Variants in NECAP1 observed in about 807,000 individuals in gnomAD.
The protein encoded by NECAP1 is adaptin ear-binding coat-associated protein 1.
A neutral mutation model predicts 33.4 loss-of-function variants in NECAP1; 13 were observed. The ratio of observed to expected loss-of-function variants is 0.39; its 90% confidence interval spans 0.25 to 0.62. NECAP1 has a LOEUF of 0.62. NECAP1 is among the 20% of genes least tolerant of loss of function. The pLI is 0.52. For synonymous variants in NECAP1, 109 were observed against 125.2 expected (o/e 0.87, Z 0.86); for missense variants, 272 against 347.4 (o/e 0.78, Z 1.73).
At chr12:8,089,850 G>A (rs1042451090) in intron 1 of NECAP1, 86 bp from the exon 2 acceptor site, 61 of 993,330 alleles carry the variant, frequency 6.1e-5, no homozygotes, top group Middle Eastern at 2.6e-4. Flanking sequence ...ATCCAGGATA[G>A]GGAAATAGAA....
rs758726778 is a variant in NECAP1, at chr12:8,095,572, T to C, written c.677-29T>C. On this transcript the variant is annotated intron_variant, in intron 6 of 7. Transcript: ENST00000339754. ...CCTTCCAAGATTTTGATTATGTTTT[T>C]CTTTTTTCTTTTCTTACCTTGTGTT... is the stretch of plus-strand genomic sequence containing the variant. 19 of 1,567,090 alleles carry C rather than the reference T, an allele frequency of 1.2e-5. No individual in the cohort carries two copies. The African/African-American group carries it at 2.3e-4, about 19-fold the overall frequency.
Position 8,090,217 on chromosome 12 carries a change from A to G in NECAP1, c.219A>G (p.Pro73=), listed in dbSNP as rs1487509210. The G allele has an allele frequency of 2.5e-6, 4 of 1,614,236 alleles. No homozygotes were observed. The highest frequency in any genetic ancestry group is 2.7e-5 in the African/African-American group (2 of 75,072). The change falls in exon 3 of 8, where the codon CCA becomes CCG. Residue 73 remains proline (P), a synonymous_variant. Coordinates refer to ENST00000339754, the MANE Select transcript of NECAP1 (RefSeq NM_015509.4). ...CAGGGGAGCTCTTTGCTCAGGCACC[A>G]GTAGAACAATATCCTGGTATTGCTG... The part of the protein sequence containing the change: ...KVSGELFAQA[P]VEQYPGIAVE...
At position 8,095,663 on chromosome 12, in the gene NECAP1, G is replaced by A. The variant is rs780122416; in HGVS notation, c.739G>A (p.Val247Ile). Residue 247 changes from valine to isoleucine, a missense_variant, in exon 7 of 8, where the codon GTA becomes ATA. Transcript: ENST00000339754. ...VTTPAPTPVS[V>I]SNDLWGDFST... is the part of the protein sequence containing the mutation. ...GACACCAGCACCAACTCCAGTTTCT[G>A]TAAGCAATGACTTGTGGGGAGACTT... is the stretch of plus-strand genomic sequence containing the variant. The A allele has an allele frequency of 1.2e-6, 2 of 1,614,026 alleles. No homozygotes were observed. The highest frequency in any genetic ancestry group is 1.6e-4 in the Middle Eastern group (1 of 6,062).
intron 4 of NECAP1, 150 bp downstream of exon 4, chr12:8,092,000 C>T (rs1399172767): frequency 1.5e-6 from 1 of 674,252 alleles, no homozygotes; most frequent in African/African-American, 1.8e-5. Context: ...CTTTTGTTTC[C>T]TTAGGTCATC....
intron 1 of NECAP1, among the ~76,000 whole-genome samples, chr12:8,087,808 G>A (rs1215410068): frequency 6.6e-6 from 1 of 152,110 alleles, no homozygotes; most frequent in Admixed American, 6.6e-5. Flanking sequence ...TCAGATTTAG[G>A]TACTTGAGGG....
chr12:8,092,605 C>A, intron 4 of NECAP1, 71 bp from the exon 5 acceptor site: 1 of 1,109,212 alleles, frequency 9.0e-7, no homozygotes, highest in Non-Finnish European at 1.3e-6. Flanking sequence ...AAAGTAAATA[C>A]ACCCAAATTT....
chr12:8,097,199 C>T lies in NECAP1; in HGVS notation c.*1109C>T, dbSNP rs1209800230. 1 of 152,502 alleles carries T rather than the reference C, an allele frequency of 6.6e-6. No homozygotes were observed. The highest frequency in any genetic ancestry group is 2.4e-5 in the African/African-American group (1 of 41,390). 9.4% of individuals were successfully genotyped at this position (152,502 alleles called of 1,614,324 possible). A position where few individuals can be genotyped will look rare whatever the true frequency, so the allele number is the denominator to read the frequency against. On this transcript the variant is annotated 3_prime_UTR_variant, in exon 8 of 8. Transcript: ENST00000339754. ...TGCCCAAGGCTTTGATACCTGTCAC[C>T]CAGGGTATCTTAAAAGCAAGTTGTT...
At chr12:8,086,593 G>A (rs1947491949) in intron 1 of NECAP1, among the ~76,000 whole-genome samples, 2 of 152,064 alleles carry the variant, frequency 1.3e-5, no homozygotes, top group South Asian at 2.1e-4. Context: ...CAGCCTAGGC[G>A]ACAGAGCAGG....
At chr12:8,085,079 G>A (rs1395708598) in intron 1 of NECAP1, among the ~76,000 whole-genome samples, 1 of 151,958 alleles carries the variant, frequency 6.6e-6, no homozygotes, top group Non-Finnish European at 1.5e-5. Context: ...GAGTGCGCTG[G>A]CGCAATCTCA....
intron 3 of NECAP1, 133 bp downstream of exon 3, chr12:8,090,432 C>A (rs2120477481): frequency 1.3e-6 from 1 of 764,246 alleles, no homozygotes; most frequent in South Asian, 1.8e-5. Flanking sequence ...TAAAGTTGCT[C>A]TAGTTGCTAA....
intron 6 of NECAP1, among the ~76,000 whole-genome samples, chr12:8,094,072 C>A (rs1947573478): frequency 6.6e-6 from 1 of 152,156 alleles, no homozygotes; most frequent in African/African-American, 2.4e-5. Flanking sequence ...AGAATTTTAA[C>A]TTAATGTATT....
Position 8,096,300 on chromosome 12 carries a change from G to C in NECAP1, c.*210G>C. 2 of 530,580 alleles carry C rather than the reference G, an allele frequency of 3.8e-6. No individual in the cohort carries two copies. Among genetic ancestry groups the C allele is most frequent in the Non-Finnish European group, 6.7e-6 (2 of 299,116 alleles). The allele number at this position is 530,580 out of a possible 1,614,324, so 32.9% of individuals were successfully genotyped here. On this transcript the variant is annotated 3_prime_UTR_variant, in exon 8 of 8. Transcript: ENST00000339754. ...GCCAAGAAAGTATCTGTTATCTCCT[G>C]CGTAGTACCAAGGTAGGGGACTAGT... is the stretch of plus-strand genomic sequence containing the variant.
Position 8,093,049 on chromosome 12 carries a change from G to A in NECAP1, c.670G>A (p.Asp224Asn), listed in dbSNP as rs2231752. ...PIPKSNHGGS[D>N]ADILLDLDSP... is the part of the protein sequence containing the mutation. ...TCCGAAATCTAACCATGGAGGCAGT[G>A]ATGCAGGTAAATCTAGTACTTCTAA... Residue 224 changes from aspartate to asparagine, a missense_variant, in exon 6 of 8, where the codon GAT becomes AAT. Physicochemically the swap from Asp to Asn is conservative, Grantham distance 23. Coordinates refer to ENST00000339754, the MANE Select transcript of NECAP1 (RefSeq NM_015509.4). 8.1e-4 allele frequency: 1,302 copies of A among 1,613,910 alleles called. 12 individuals carry two copies. The African/African-American group carries it at 0.015, about 18-fold the overall frequency.
intron 6 of NECAP1, 198 bp from the exon 7 acceptor site, chr12:8,095,403 C>A (rs781173903): frequency 2.7e-6 from 1 of 372,572 alleles, no homozygotes; most frequent in African/African-American, 2.1e-5. Flanking sequence ...CGCCCGCCAC[C>A]GCGCCCGGCT....
rs768392834 is a variant in NECAP1, at chr12:8,095,494, C to T, written c.677-107C>T. The T allele has an allele frequency of 1.4e-4, 97 of 678,546 alleles. 1 individual carries two copies. The East Asian group carries it at 3.0e-3, about 21-fold the overall frequency. 42.0% of individuals were successfully genotyped at this position (678,546 alleles called of 1,614,324 possible). On this transcript the variant is annotated intron_variant, in intron 6 of 7. Coordinates refer to ENST00000339754, the MANE Select transcript of NECAP1 (RefSeq NM_015509.4). ...CGATCTCCTGACCTCATGATCCACCCGCCTCGGCCTCCCAAAGTGCTGGGA... is the reference window on the plus strand; with the variant it reads ...CGATCTCCTGACCTCATGATCCACCTGCCTCGGCCTCCCAAAGTGCTGGGA...
intron 1 of NECAP1, among the ~76,000 whole-genome samples, chr12:8,083,733 T>G (rs1222063502): frequency 1.4e-5 from 2 of 147,114 alleles, no homozygotes; most frequent in Non-Finnish European, 3.0e-5. Context: ...GCCGTCGTTT[T>G]TTTTTTTTTT....
chr12:8,087,886 C>A (rs891301137), intron 1 of NECAP1, among the ~76,000 whole-genome samples: 11 of 152,102 alleles, frequency 7.2e-5, no homozygotes, highest in African/African-American at 2.7e-4. Flanking sequence ...CTGTTCAAAA[C>A]CTGTGCTAAT....
chr12:8,091,509 C>A, intron 3 of NECAP1: 1 of 473,158 alleles, frequency 2.1e-6, no homozygotes, highest in South Asian at 2.3e-5. Context: ...TAACCTAGAT[C>A]CCTCACATGT....
intron 1 of NECAP1, among the ~76,000 whole-genome samples, chr12:8,083,412 T>C (rs893464499): frequency 6.8e-6 from 1 of 147,154 alleles, no homozygotes; most frequent in African/African-American, 2.5e-5. Flanking sequence ...CAAATACTAT[T>C]TGTTTGTTCT....
Sources: allele counts gnomAD v4.1 joint callset (sites outside exome capture counted in the v4.1 genomes callset), GRCh38; gene constraint gnomAD v4.1.1; transcripts MANE v1.5; gene names NCBI Gene and HGNC (gene_info 2026-07-23, HGNC 2026-07-21).